Variants in CNTN5 observed in about 807,000 individuals in gnomAD.
CNTN5 encodes the protein contactin-5.
A neutral mutation model predicts 129.1 loss-of-function variants in CNTN5; 77 were observed. That is an observed-to-expected ratio of 0.60 (90% CI 0.50 to 0.72). The LOEUF (loss-of-function observed/expected upper bound fraction) is 0.72. Among genes scored for constraint, CNTN5 ranks in the 30% least tolerant of loss-of-function variants. The pLI, the probability that CNTN5 is intolerant of heterozygous loss-of-function variation, is 0.00. For synonymous variants in CNTN5, 509 were observed against 465.6 expected (o/e 1.09, Z -1.20); for missense variants, 1,478 against 1,328.8 (o/e 1.11, Z -1.75).
chr11:99,576,929 A>G (rs770910987), intron 3 of CNTN5, among the ~76,000 whole-genome samples: 9 of 152,156 alleles, frequency 5.9e-5, no homozygotes, highest in African/African-American at 7.2e-5. Context: ...GGGTATATGC[A>G]TTTTGGAGGG....
chr11:99,181,943 A>G (rs1299713327), intron 1 of CNTN5, among the ~76,000 whole-genome samples: 1 of 152,306 alleles, frequency 6.6e-6, no homozygotes, highest in East Asian at 1.9e-4. Flanking sequence ...CTGGAGTGGT[A>G]TTATATAAAA....
intron 6 of CNTN5, among the ~76,000 whole-genome samples, chr11:99,909,967 T>C (rs1380601054): frequency 1.3e-5 from 2 of 151,800 alleles, no homozygotes; most frequent in African/African-American, 4.8e-5. Context: ...ATAATAATAA[T>C]AAAAAAAGAA....
At chr11:100,292,439 C>G (rs1208998915) in intron 18 of CNTN5, among the ~76,000 whole-genome samples, 1 of 151,992 alleles carries the variant, frequency 6.6e-6, no homozygotes, top group South Asian at 2.1e-4. Context: ...CTGCCAAAAT[C>G]TAGAATTATA....
chr11:100,333,860 A>G (rs1016195582), intron 21 of CNTN5, among the ~76,000 whole-genome samples: 2 of 152,202 alleles, frequency 1.3e-5, no homozygotes, highest in Non-Finnish European at 2.9e-5. Flanking sequence ...AAACCCTTCT[A>G]GACATCAGCT....
chr11:99,117,503 G>T (rs1274714338), intron 1 of CNTN5, among the ~76,000 whole-genome samples: 1 of 152,048 alleles, frequency 6.6e-6, no homozygotes, highest in Non-Finnish European at 1.5e-5. Flanking sequence ...ATATTATAAT[G>T]TGAAATTTGT....
chr11:99,254,407 TTTG>T lies in CNTN5; in HGVS notation c.-209-70936_-209-70934del, dbSNP rs569591867. Among the ~76,000 whole-genome samples the T allele has an allele frequency of 4.4e-4, 67 of 152,156 alleles. 2 individuals carry two copies. In the East Asian group the frequency reaches 0.012, roughly 28 times the overall value. ...ATCATGGAAACTCAGTTGAGAATTA[TTTG>T]TTATGAGAAAAGTAGTCATTTTGTT... is the stretch of plus-strand genomic sequence containing the variant. On this transcript the variant is annotated intron_variant, in intron 1 of 24. Coordinates refer to ENST00000524871, the MANE Select transcript of CNTN5 (RefSeq NM_014361.4).
chr11:100,167,183 C>T (rs1350798000), intron 13 of CNTN5, among the ~76,000 whole-genome samples: 2 of 151,220 alleles, frequency 1.3e-5, no homozygotes, highest in Admixed American at 1.3e-4. Context: ...TAATATTCAT[C>T]AAAAACAAAC....
intron 2 of CNTN5, among the ~76,000 whole-genome samples, chr11:99,382,875 T>TTTTTTTTTTTTTTTC (rs1491151565): frequency 7.0e-6 from 1 of 142,464 alleles, no homozygotes; most frequent in Non-Finnish European, 1.5e-5. Flanking sequence ...TTTTTTTTTT[T>TTTTTTTTTTTTTTTC]AGACAGAGTC....
chr11:100,250,006 G>A (rs1175951013), intron 16 of CNTN5, among the ~76,000 whole-genome samples: 1 of 152,066 alleles, frequency 6.6e-6, no homozygotes, highest in Non-Finnish European at 1.5e-5. Flanking sequence ...AAATCACGCT[G>A]CCAATTATTC....
chr11:99,638,105 A>G (rs539681233), intron 3 of CNTN5, among the ~76,000 whole-genome samples: 1 of 152,256 alleles, frequency 6.6e-6, no homozygotes, highest in African/African-American at 2.4e-5. Context: ...AATTGGACTT[A>G]CAGTTCCACG....
chr11:99,285,868 T>G (rs2135904041), intron 1 of CNTN5, among the ~76,000 whole-genome samples: 1 of 151,862 alleles, frequency 6.6e-6, no homozygotes, highest in Non-Finnish European at 1.5e-5. Flanking sequence ...TGAAATCTCG[T>G]TTCTACTAAA....
intron 3 of CNTN5, among the ~76,000 whole-genome samples, chr11:99,675,798 T>C (rs1018657813): frequency 8.5e-5 from 13 of 152,202 alleles, no homozygotes; most frequent in Non-Finnish European, 1.6e-4. Context: ...CTGCAGTTGT[T>C]ATATGGGTAC....
intron 1 of CNTN5, among the ~76,000 whole-genome samples, chr11:99,181,171 A>G (rs1858039630): frequency 6.6e-6 from 1 of 151,968 alleles, no homozygotes; most frequent in South Asian, 2.1e-4. Context: ...TGGGGAGGGG[A>G]CTATTATCCT....
At chr11:99,720,264 A>T (rs991847635) in intron 3 of CNTN5, among the ~76,000 whole-genome samples, 4 of 152,184 alleles carry the variant, frequency 2.6e-5, no homozygotes, top group African/African-American at 9.7e-5. Context: ...GTAAACTTCA[A>T]TGCAAAAATC....
intron 7 of CNTN5, among the ~76,000 whole-genome samples, chr11:99,946,267 T>C (rs1053900825): frequency 6.6e-6 from 1 of 152,146 alleles, no homozygotes; most frequent in East Asian, 1.9e-4. Flanking sequence ...TATAGTATTT[T>C]TATTTAAGCT....
chr11:99,092,391 A>G (rs1866288135), intron 1 of CNTN5, among the ~76,000 whole-genome samples: 2 of 152,060 alleles, frequency 1.3e-5, no homozygotes, highest in South Asian at 2.1e-4. Flanking sequence ...TGACAACAGT[A>G]GTTACATCAT....
intron 3 of CNTN5, among the ~76,000 whole-genome samples, chr11:99,629,548 A>G (rs1004903282): frequency 2.0e-5 from 3 of 151,944 alleles, no homozygotes; most frequent in Admixed American, 6.6e-5. Context: ...TTAAGGGGAT[A>G]AGATAAAGGA....
chr11:99,181,641 G>A (rs1858074870), intron 1 of CNTN5, among the ~76,000 whole-genome samples: 1 of 152,154 alleles, frequency 6.6e-6, no homozygotes, highest in African/African-American at 2.4e-5. Flanking sequence ...GTTATTCTCT[G>A]TAATAACAAA....
rs900667850 is a variant in CNTN5, at chr11:99,078,911, T to C, written c.-210+57641T>C. 1.8e-4 allele frequency among the ~76,000 whole-genome samples: 28 copies of C among 152,054 alleles called. 1 individual carries two copies. Among genetic ancestry groups the C allele is most frequent in the Admixed American group, 1.8e-3 (28 of 15,252 alleles). ...AGGGTGATTACAGTAAACAATAATT[T>C]ATTGTACATTTAAAAAATCACTAAA... is the stretch of plus-strand genomic sequence containing the variant. On this transcript the variant is annotated intron_variant, in intron 1 of 24. Transcript: ENST00000524871.
Sources: allele counts gnomAD v4.1 joint callset (sites outside exome capture counted in the v4.1 genomes callset), GRCh38; gene constraint gnomAD v4.1.1; transcripts MANE v1.5; gene names NCBI Gene and HGNC (gene_info 2026-07-23, HGNC 2026-07-21).